The following TEKT5 variants were observed in gnomAD, a reference collection of about 807,000 sequenced individuals.
The protein encoded by TEKT5 is tektin 5.
A neutral mutation model predicts 48.7 loss-of-function variants in TEKT5; 52 were observed. That is an observed-to-expected ratio of 1.07 (90% CI 0.86 to 1.35). The LOEUF (loss-of-function observed/expected upper bound fraction) is 1.35, where lower values mean the gene tolerates loss of function less well. Ranked by LOEUF, TEKT5 falls within the 40% of genes most tolerant of loss-of-function variation. TEKT5 has a pLI of 0.00. For missense variants in TEKT5, 831 were observed against 641.6 expected (o/e 1.30, Z -3.19); for synonymous variants, 318 against 267.6 (o/e 1.19, Z -1.84).
At chr16:10,630,414 A>G (rs184064077) in intron 6 of TEKT5, among the ~76,000 whole-genome samples, 3 of 152,106 alleles carry the variant, frequency 2.0e-5, no homozygotes, top group Non-Finnish European at 4.4e-5. Flanking sequence ...TAAAAAAAAA[A>G]GTTTTTATAG....
intron 6 of TEKT5, among the ~76,000 whole-genome samples, chr16:10,632,731 A>G (rs975537170): frequency 4.6e-5 from 7 of 152,104 alleles, no homozygotes; most frequent in African/African-American, 1.7e-4. Context: ...GCAGGAATGG[A>G]GAGGACGGGG....
chr16:10,647,488 A>G lies in TEKT5; in HGVS notation c.1087-11570T>C, dbSNP rs1898088602. ...CCCTGTCTCAAAAAAAAAAAAAAAA[A>G]GCAGCAGCCACCTGTGGTACGCGCC... is the stretch of plus-strand genomic sequence containing the variant. On this transcript the variant is annotated intron_variant, in intron 5 of 6. Coordinates refer to ENST00000283025, the MANE Select transcript of TEKT5 (RefSeq NM_144674.2). 3.5e-5 allele frequency among the ~76,000 whole-genome samples: 5 copies of G among 143,414 alleles called. No individual in the cohort carries two copies. The South Asian group carries it at 1.1e-3, about 32-fold the overall frequency. The allele number at this position is 143,414 out of a possible 152,430, so 94.1% of individuals were successfully genotyped here.
chr16:10,654,169 G>A (rs181799544), intron 5 of TEKT5, among the ~76,000 whole-genome samples: 1 of 152,086 alleles, frequency 6.6e-6, no homozygotes, highest in African/African-American at 2.4e-5. Flanking sequence ...TCCCACTTCA[G>A]ACTCCCGAGT....
intron 4 of TEKT5, 82 bp from the exon 5 acceptor site, chr16:10,676,263 C>G: frequency 7.4e-7 from 1 of 1,360,084 alleles, no homozygotes; most frequent in Non-Finnish European, 1.0e-6. Context: ...GTCTTGGCCT[C>G]TGGGTCGGGA....
intron 3 of TEKT5, among the ~76,000 whole-genome samples, chr16:10,684,656 G>C (rs150672697): frequency 2.6e-4 from 40 of 152,238 alleles, no homozygotes; most frequent in African/African-American, 9.6e-4. Context: ...ACATGTTAGA[G>C]AATTAGAGGG....
chr16:10,660,102 G>A (rs999484815), intron 5 of TEKT5, among the ~76,000 whole-genome samples: 1 of 152,170 alleles, frequency 6.6e-6, no homozygotes, highest in Non-Finnish European at 1.5e-5. Flanking sequence ...ATTAGGCAAC[G>A]TGATGAGGTC....
At chr16:10,681,786 G>T (rs964237560) in intron 4 of TEKT5, among the ~76,000 whole-genome samples, 1 of 151,952 alleles carries the variant, frequency 6.6e-6, no homozygotes, top group Non-Finnish European at 1.5e-5. Context: ...TGAGTTCGTG[G>T]CTCCCCCATA....
At chr16:10,666,333 G>A (rs928488535) in intron 5 of TEKT5, among the ~76,000 whole-genome samples, 8 of 152,140 alleles carry the variant, frequency 5.3e-5, no homozygotes, top group African/African-American at 1.9e-4. Context: ...CTCCCCTCCT[G>A]TTCCTCGGTG....
At position 10,635,773 on chromosome 16, in the gene TEKT5, G is replaced by C; in HGVS notation, c.1232C>G (p.Pro411Arg). 6.2e-7 allele frequency: 1 copy of C among 1,612,026 alleles called. No homozygotes were observed. The highest frequency in any genetic ancestry group is 8.5e-7 in the Non-Finnish European group (1 of 1,178,520). ...RPNMELCRDIPQLKLVNEVFT... is the reference protein window; with the variant it reads ...RPNMELCRDIRQLKLVNEVFT... The stretch of plus-strand genomic sequence containing the variant: ...GGCCTCCCTCACTTACTTCAACTGC[G>C]GGATGTCCCTGCACAGCTCCATGTT... The change falls in exon 6 of 7, where the codon CCG (proline) becomes CGG (arginine). Residue 411 changes from proline (P) to arginine (R), a missense_variant. Coordinates refer to ENST00000283025, the MANE Select transcript of TEKT5 (RefSeq NM_144674.2).
At chr16:10,629,439 C>G (rs1897804747) in intron 6 of TEKT5, among the ~76,000 whole-genome samples, 4 of 152,058 alleles carry the variant, frequency 2.6e-5, no homozygotes, top group Admixed American at 2.6e-4. Context: ...TTAGTAGAGA[C>G]AGTGTTTCAC....
In TEKT5 at chr16:10,653,431, T is replaced by C. The variant is rs532384360; in HGVS notation, c.1087-17513A>G. On this transcript the variant is annotated intron_variant, in intron 5 of 6. Coordinates refer to ENST00000283025, the MANE Select transcript of TEKT5 (RefSeq NM_144674.2). ...TGCTGTACACCTGGGGACAGGTTAC[T>C]TCACCTTCCTGAGCCTCTCTACAGT... is the stretch of plus-strand genomic sequence containing the variant. Among the ~76,000 whole-genome samples, 4 of 152,360 alleles carry C rather than the reference T, an allele frequency of 2.6e-5. No individual in the cohort carries two copies. In the East Asian group the frequency reaches 7.7e-4, roughly 29 times the overall value.
Position 10,689,325 on chromosome 16 carries a change from T to G in TEKT5, c.649-2A>C, listed in dbSNP as rs764263187. The G allele has an allele frequency of 3.1e-6, 5 of 1,612,628 alleles. No homozygotes were observed. In the South Asian group the frequency reaches 5.5e-5, roughly 18 times the overall value. On this transcript the variant is annotated splice_acceptor_variant, in intron 2 of 6. Transcript: ENST00000283025. LOFTEE classifies it high-confidence loss of function. ...GCAACATTTTAGCAAATCCACTTCCTGAAATGAAAAATGTCAGAAAGAGCA... is the reference window on the plus strand; with the variant it reads ...GCAACATTTTAGCAAATCCACTTCCGGAAATGAAAAATGTCAGAAAGAGCA...
At chr16:10,681,934 C>G in intron 4 of TEKT5, 59 bp downstream of exon 4, 23 of 1,584,606 alleles carry the variant, frequency 1.5e-5, no homozygotes, top group Non-Finnish European at 1.9e-5. Flanking sequence ...TTGGCAGGAG[C>G]AGAAGCCCTC....
intron 5 of TEKT5, among the ~76,000 whole-genome samples, chr16:10,669,104 A>T (rs1898510560): frequency 6.6e-6 from 1 of 152,216 alleles, no homozygotes; most frequent in African/African-American, 2.4e-5. Context: ...GTGCATACAA[A>T]TATGTGTACA....
At position 10,682,681 on chromosome 16, in the gene TEKT5, G is replaced by T. The variant is rs574515690; in HGVS notation, c.720-545C>A. On this transcript the variant is annotated intron_variant, in intron 3 of 6. Transcript: ENST00000283025. ...AAGCACTTACCGTAAAGGGTTACAT[G>T]ATAAATAATTTAGGCTTTGTGGGTC... Among the ~76,000 whole-genome samples, 733 of 152,310 alleles carry T rather than the reference G, an allele frequency of 4.8e-3. 2 individuals are homozygous for T. The highest frequency in any genetic ancestry group is 0.017 in the African/African-American group (705 of 41,556).
At position 10,694,543 on chromosome 16, in the gene TEKT5, A is replaced by T; in HGVS notation, c.331T>A (p.Trp111Arg). 1 of 1,606,674 alleles carries T rather than the reference A, an allele frequency of 6.2e-7. No individual in the cohort carries two copies. Among genetic ancestry groups the T allele is most frequent in the Admixed American group, 1.7e-5 (1 of 59,342 alleles). Residue 111 changes from tryptophan (W) to arginine (R), a missense_variant, in exon 1 of 7, where the codon TGG becomes AGG. By Grantham distance (101) the Trp-to-Arg change is moderately radical. Coordinates refer to ENST00000283025, the MANE Select transcript of TEKT5 (RefSeq NM_144674.2). Reference sequence around the variant, plus strand: ...GAGTCATCCGTCAGCCGGCTGGCCCACAGCCGGGAGGCCTCGGCCCCACGC... The same window carrying T: ...GAGTCATCCGTCAGCCGGCTGGCCCTCAGCCGGGAGGCCTCGGCCCCACGC... ...QVRGAEASRL[W>R]ASRLTDDSMR...
intron 5 of TEKT5, among the ~76,000 whole-genome samples, chr16:10,639,185 T>C (rs1364870571): frequency 6.6e-6 from 1 of 152,156 alleles, no homozygotes; most frequent in Admixed American, 6.5e-5. Flanking sequence ...TGCACGTTTG[T>C]AGTCCCAGCT....
chr16:10,680,697 A>G (rs1464367205), intron 4 of TEKT5, among the ~76,000 whole-genome samples: 8 of 151,782 alleles, frequency 5.3e-5, no homozygotes, highest in Admixed American at 5.3e-4. Context: ...TGATGAGTTC[A>G]TGTCCTTTGT....
chr16:10,650,496 T>G (rs763325476), intron 5 of TEKT5, among the ~76,000 whole-genome samples: 1 of 152,082 alleles, frequency 6.6e-6, no homozygotes, highest in Non-Finnish European at 1.5e-5. Flanking sequence ...AATCTGCCCA[T>G]GTGGGTGTGC....
Sources: allele counts gnomAD v4.1 joint callset (sites outside exome capture counted in the v4.1 genomes callset), GRCh38; gene constraint gnomAD v4.1.1; transcripts MANE v1.5; gene names NCBI Gene and HGNC (gene_info 2026-07-23, HGNC 2026-07-21).